PCDHA11: variants seen among roughly 807,000 people sequenced by gnomAD.
PCDHA11 encodes the protein protocadherin alpha 11.
Under a neutral mutation model 70.3 loss-of-function variants are expected in PCDHA11, and 61 were observed. The ratio of observed to expected loss-of-function variants is 0.87; its 90% CI spans 0.71 to 1.07. PCDHA11 has a LOEUF of 1.07. Ranked by LOEUF, PCDHA11 falls within the 50% of genes least tolerant of loss-of-function variation. The pLI, the probability that PCDHA11 is intolerant of heterozygous loss-of-function variation, is 0.00. For missense variants in PCDHA11, 1,324 were observed against 1,237.5 expected (o/e 1.07, Z -1.05); for synonymous variants, 633 against 555.1 (o/e 1.14, Z -1.97).
chr5:140,969,404 G>A (rs1345885868), intron 1 of PCDHA11: 2 of 1,577,250 alleles, frequency 1.3e-6, no homozygotes, highest in Admixed American at 1.9e-5. Context: ...CTGTGATTTG[G>A]CTTTATTGAG....
intron 1 of PCDHA11, among the ~76,000 whole-genome samples, chr5:140,918,586 G>A (rs2078766446): frequency 6.6e-6 from 1 of 152,188 alleles, no homozygotes; most frequent in South Asian, 2.1e-4. Context: ...TTGGCTATAT[G>A]TTCTATAGAT....
intron 3 of PCDHA11, among the ~76,000 whole-genome samples, chr5:141,008,133 A>G (rs782089475): frequency 6.6e-6 from 1 of 152,208 alleles, no homozygotes; most frequent in Non-Finnish European, 1.5e-5. Context: ...GGGGATGACA[A>G]ATGCTGCTGA....
intron 3 of PCDHA11, among the ~76,000 whole-genome samples, chr5:141,005,117 C>A (rs2098198148): frequency 6.6e-6 from 1 of 152,214 alleles, no homozygotes; most frequent in South Asian, 2.1e-4. Flanking sequence ...TCTTTAGGGA[C>A]CCCAAAAGTG....
Position 140,913,476 on chromosome 5 carries a change from T to G in PCDHA11, c.2391+41982T>G, listed in dbSNP as rs191224245. On this transcript the variant is annotated intron_variant, in intron 1 of 3. Transcript: ENST00000398640. ...TTTATTTACTTGGGTCTTCTCTCTT[T>G]TTTTCTTCATTAGTCTGTTTAAAAC... Among the ~76,000 whole-genome samples the G allele has an allele frequency of 5.9e-3, 899 of 152,286 alleles. 12 individuals carry two copies. Among genetic ancestry groups the G allele is most frequent in the African/African-American group, 0.02 (842 of 41,576 alleles).
At chr5:141,001,220 G>T (rs1554258038) in intron 3 of PCDHA11, among the ~76,000 whole-genome samples, 1 of 152,116 alleles carries the variant, frequency 6.6e-6, no homozygotes, top group African/African-American at 2.4e-5. Flanking sequence ...TATAAGGATA[G>T]TTACATTTAA....
At chr5:140,970,442 A>G (rs1003756532) in intron 1 of PCDHA11, among the ~76,000 whole-genome samples, 3 of 152,182 alleles carry the variant, frequency 2.0e-5, no homozygotes, top group Non-Finnish European at 4.4e-5. Flanking sequence ...TAGTATATGC[A>G]CTAGTTTTGA....
chr5:140,985,975 G>A (rs2097182023), intron 3 of PCDHA11, among the ~76,000 whole-genome samples: 2 of 152,148 alleles, frequency 1.3e-5, no homozygotes, highest in South Asian at 2.1e-4. Flanking sequence ...TCCTGACCTC[G>A]TGATCCGCCC....
At chr5:140,891,855 C>T (rs1282802499) in intron 1 of PCDHA11, among the ~76,000 whole-genome samples, 1 of 152,156 alleles carries the variant, frequency 6.6e-6, no homozygotes, top group Admixed American at 6.6e-5. Flanking sequence ...GAGCCTGTCC[C>T]TCTCTTATGC....
chr5:140,886,931 G>C (rs1426144437), intron 1 of PCDHA11, among the ~76,000 whole-genome samples: 1 of 151,756 alleles, frequency 6.6e-6, no homozygotes, highest in South Asian at 2.1e-4. Flanking sequence ...CTATGTGCCA[G>C]GCATGTTCTA....
chr5:141,009,745 A>G lies in PCDHA11; in HGVS notation c.2658A>G (p.Lys886=). The G allele has an allele frequency of 6.2e-7, 1 of 1,614,104 alleles. No individual in the cohort carries two copies. The highest frequency in any genetic ancestry group is 8.5e-7 in the Non-Finnish European group (1 of 1,180,006). The part of the protein sequence containing the change: ...KQSGPGELPD[K]FIIPGSPAII... ...CCGGTCCCGGTGAGTTGCCCGACAA[A>G]TTCATTATCCCAGGATCTCCTGCAA... Residue 886 remains lysine, a synonymous_variant, in exon 4 of 4, where the codon AAA becomes AAG. Coordinates refer to ENST00000398640, the MANE Select transcript of PCDHA11 (RefSeq NM_018902.5).
At chr5:140,915,362 A>C (rs2077085780) in intron 1 of PCDHA11, among the ~76,000 whole-genome samples, 2 of 152,274 alleles carry the variant, frequency 1.3e-5, no homozygotes, top group East Asian at 3.9e-4. Flanking sequence ...TATTCTTACC[A>C]GTAAGTGTCT....
chr5:140,997,132 C>A (rs1189394609), intron 3 of PCDHA11, among the ~76,000 whole-genome samples: 1 of 152,076 alleles, frequency 6.6e-6, no homozygotes, highest in Non-Finnish European at 1.5e-5. Flanking sequence ...CACAATGCCC[C>A]CACACCCCCG....
intron 3 of PCDHA11, among the ~76,000 whole-genome samples, chr5:140,987,537 T>C (rs1343074603): frequency 6.6e-6 from 1 of 152,176 alleles, no homozygotes; most frequent in African/African-American, 2.4e-5. Context: ...CCTGGGACCA[T>C]TACTTAACTT....
chr5:140,888,287 C>T (rs1371852276), intron 1 of PCDHA11, among the ~76,000 whole-genome samples: 1 of 152,072 alleles, frequency 6.6e-6, no homozygotes, highest in African/African-American at 2.4e-5. Flanking sequence ...CCCCTCTACC[C>T]CCTACCCAGG....
intron 1 of PCDHA11, among the ~76,000 whole-genome samples, chr5:140,916,853 T>G (rs1233420106): frequency 1.3e-5 from 2 of 152,160 alleles, no homozygotes; most frequent in East Asian, 3.9e-4. Flanking sequence ...AGCCCAGCAC[T>G]AGGAGTTACC....
intron 1 of PCDHA11, chr5:140,926,601 T>G: frequency 3.1e-6 from 1 of 317,718 alleles, no homozygotes; most frequent in Non-Finnish European, 5.7e-6. Context: ...GCGGGCGGCC[T>G]CGTCTCTGCA....
In PCDHA11 at chr5:140,883,729, C is replaced by T. The variant is rs572170960; in HGVS notation, c.2391+12235C>T. 8 of 1,613,520 alleles carry T rather than the reference C, an allele frequency of 5.0e-6. No homozygotes were observed. In the African/African-American group the frequency reaches 8.0e-5, roughly 16 times the overall value. ...CTCAGGACGCGGACGCACAGGAGAA[C>T]GCGCTGGTCTCCTACTCGCTGGTGG... On this transcript the variant is annotated intron_variant, in intron 1 of 3. Coordinates refer to ENST00000398640, the MANE Select transcript of PCDHA11 (RefSeq NM_018902.5).
rs374146742 is a variant in PCDHA11 at position 140,927,954 on chromosome 5, C to T, written c.2392-50995C>T. ...CGAACCCAGTACCTGAGGACGCTGC[C>T]CCTGGCACAGTGATTGCTCTCTTTA... On this transcript the variant is annotated intron_variant, in intron 1 of 3. Transcript: ENST00000398640. The T allele has an allele frequency of 5.2e-5, 84 of 1,614,080 alleles. No homozygotes were observed. In the African/African-American group the frequency reaches 1.0e-3, roughly 19 times the overall value.
intron 1 of PCDHA11, chr5:140,883,519 C>G: frequency 6.2e-7 from 1 of 1,614,190 alleles, no homozygotes; most frequent in South Asian, 1.1e-5. Context: ...ACCGCGAGAG[C>G]GTATCAGCCT....
Sources: allele counts gnomAD v4.1 joint callset (sites outside exome capture counted in the v4.1 genomes callset), GRCh38; gene constraint gnomAD v4.1.1; transcripts MANE v1.5; gene names NCBI Gene and HGNC (gene_info 2026-07-23, HGNC 2026-07-21).